Variants in NCALD observed in about 807,000 individuals in gnomAD.
NCALD encodes neurocalcin delta.
A neutral mutation model predicts 18.6 loss-of-function variants in NCALD; 10 were observed. The observed-to-expected ratio is 0.54, with a 90% CI of 0.33 to 0.91. NCALD has a LOEUF of 0.91. Ranked by LOEUF, NCALD falls within the 40% of genes least tolerant of loss-of-function variation. The pLI is 0.03. For synonymous variants in NCALD, 88 were observed against 87.4 expected (o/e 1.01, Z -0.04); for missense variants, 184 against 247.6 (o/e 0.74, Z 1.72).
intron 4 of NCALD, among the ~76,000 whole-genome samples, chr8:101,820,575 C>G (rs1434521535): frequency 5.3e-5 from 8 of 152,102 alleles, no homozygotes; most frequent in Non-Finnish European, 1.5e-5. Flanking sequence ...AAAATTAATA[C>G]CGCTTTAGAA....
At chr8:101,844,363 T>C (rs1304508818) in intron 4 of NCALD, among the ~76,000 whole-genome samples, 1 of 151,966 alleles carries the variant, frequency 6.6e-6, no homozygotes, top group Admixed American at 6.6e-5. Flanking sequence ...TAAATTCTTT[T>C]TTTTTTTTTT....
chr8:101,880,271 A>T (rs1238165214), intron 4 of NCALD, among the ~76,000 whole-genome samples: 1 of 152,104 alleles, frequency 6.6e-6, no homozygotes, highest in African/African-American at 2.4e-5. Flanking sequence ...CGGGGCCAGC[A>T]GCACTGGCCA....
intron 1 of NCALD, among the ~76,000 whole-genome samples, chr8:102,086,546 T>C (rs149262150): frequency 6.6e-6 from 1 of 152,180 alleles, no homozygotes; most frequent in Admixed American, 6.5e-5. Flanking sequence ...TCCTCTTGAA[T>C]CAAGTCACTA....
At chr8:101,981,243 A>G (rs1252998490) in intron 2 of NCALD, among the ~76,000 whole-genome samples, 1 of 152,180 alleles carries the variant, frequency 6.6e-6, no homozygotes, top group Non-Finnish European at 1.5e-5. Context: ...TACAGGTCTC[A>G]GTATAAATTT....
chr8:101,932,100 G>A (rs1409239150), intron 2 of NCALD, among the ~76,000 whole-genome samples: 2 of 152,180 alleles, frequency 1.3e-5, no homozygotes, highest in African/African-American at 2.4e-5. Context: ...TTCAGTGGCA[G>A]TTGGAAGGCA....
chr8:101,811,494 T>C lies in NCALD; in HGVS notation c.-20+75647A>G, dbSNP rs540873008. On this transcript the variant is annotated intron_variant, in intron 4 of 6. Transcript: ENST00000311028. ...AACTCTAGTACTGTAATACACTAAA[T>C]TTGCATTGTTTAAAGCCACCAAGTT... 6.6e-5 allele frequency among the ~76,000 whole-genome samples: 10 copies of C among 152,304 alleles called. No homozygotes were observed. The East Asian group carries it at 1.2e-3, about 18-fold the overall frequency.
intron 2 of NCALD, among the ~76,000 whole-genome samples, chr8:101,967,148 T>TA (rs1452751212): frequency 6.6e-6 from 1 of 152,212 alleles, no homozygotes; most frequent in East Asian, 1.9e-4. Context: ...TTTCATTTTT[T>TA]ACCTATCTGT....
intron 3 of NCALD, among the ~76,000 whole-genome samples, chr8:101,913,402 A>C (rs1586745229): frequency 6.6e-6 from 1 of 152,268 alleles, no homozygotes; most frequent in African/African-American, 2.4e-5. Flanking sequence ...CAAAACTTGA[A>C]TGCAGAAAAT....
intron 2 of NCALD, among the ~76,000 whole-genome samples, chr8:101,941,924 T>C (rs1818973008): frequency 6.6e-6 from 1 of 152,242 alleles, no homozygotes; most frequent in South Asian, 2.1e-4. Context: ...TGATTTCTTT[T>C]CTTTTTCTTT....
chr8:101,991,067 AG>A (rs2131983319), intron 2 of NCALD, among the ~76,000 whole-genome samples: 1 of 152,310 alleles, frequency 6.6e-6, no homozygotes, highest in African/African-American at 2.4e-5. Context: ...AGTTGCAGAA[AG>A]TAATTTATTT....
chr8:101,712,685 G>C (rs761962366), intron 2 of NCALD, among the ~76,000 whole-genome samples: 3 of 151,656 alleles, frequency 2.0e-5, no homozygotes, highest in Non-Finnish European at 4.4e-5. Flanking sequence ...ACAAAGAAGG[G>C]CATTACATAA....
chr8:102,122,185 A>G (rs1428602256), intron 1 of NCALD, among the ~76,000 whole-genome samples: 1 of 152,208 alleles, frequency 6.6e-6, no homozygotes, highest in African/African-American at 2.4e-5. Context: ...CCAAGAATGC[A>G]TAGGAGTTGA....
chr8:101,761,569 A>G (rs1811110147), intron 1 of NCALD, among the ~76,000 whole-genome samples: 1 of 152,218 alleles, frequency 6.6e-6, no homozygotes, highest in Non-Finnish European at 1.5e-5. Context: ...ATTTATTAAG[A>G]ACTTATCATT....
intron 2 of NCALD, among the ~76,000 whole-genome samples, chr8:101,940,017 G>C (rs1412680384): frequency 6.6e-6 from 1 of 152,202 alleles, no homozygotes; most frequent in African/African-American, 2.4e-5. Flanking sequence ...CGGCTTTTAA[G>C]AGAGTGGCAA....
intron 4 of NCALD, among the ~76,000 whole-genome samples, chr8:101,814,158 T>C (rs1156764101): frequency 1.3e-5 from 2 of 152,048 alleles, no homozygotes; most frequent in Admixed American, 6.6e-5. Flanking sequence ...ACTCATTCTA[T>C]GTGGCCAGCA....
intron 1 of NCALD, among the ~76,000 whole-genome samples, chr8:102,082,705 GA>G (rs948619129): frequency 3.9e-5 from 6 of 151,912 alleles, no homozygotes; most frequent in Admixed American, 3.3e-4. Context: ...TTTTAAAATT[GA>G]AAAAAAGAAA....
chr8:101,813,490 G>A (rs1470293932), intron 4 of NCALD, among the ~76,000 whole-genome samples: 2 of 152,114 alleles, frequency 1.3e-5, no homozygotes, highest in African/African-American at 4.8e-5. Context: ...TACACAGCTA[G>A]TCGGTGGCAG....
At chr8:101,744,332 T>C (rs1333537816) in intron 1 of NCALD, among the ~76,000 whole-genome samples, 2 of 152,216 alleles carry the variant, frequency 1.3e-5, no homozygotes, top group African/African-American at 4.8e-5. Flanking sequence ...AAAGCAAATA[T>C]ATTTTTAGCT....
At chr8:102,112,777 G>A (rs781243237) in intron 1 of NCALD, among the ~76,000 whole-genome samples, 2 of 152,104 alleles carry the variant, frequency 1.3e-5, no homozygotes, top group Non-Finnish European at 2.9e-5. Flanking sequence ...GGAGGAGGGA[G>A]GTAAGTGAGT....
Sources: gnomAD v4.1 joint callset for allele counts (sites outside exome capture counted in the v4.1 genomes callset) on GRCh38, gnomAD v4.1.1 for gene constraint, MANE v1.5 for transcripts, NCBI Gene and HGNC (gene_info 2026-07-23, HGNC 2026-07-21) for gene names.